The following RPH3A variants were observed in gnomAD, a reference collection of about 807,000 sequenced individuals.
The protein encoded by RPH3A is rabphilin-3A.
Under a neutral mutation model 102.2 loss-of-function variants are expected in RPH3A, and 48 were observed. That is an observed-to-expected ratio of 0.47 (90% CI 0.37 to 0.60). RPH3A has a LOEUF of 0.60. Among genes scored for constraint, RPH3A ranks in the 20% least tolerant of loss-of-function variants. The pLI is 0.00. For synonymous variants in RPH3A, 310 were observed against 324.3 expected (o/e 0.96, Z 0.47); for missense variants, 781 against 910.1 (o/e 0.86, Z 1.83).
intron 2 of RPH3A, among the ~76,000 whole-genome samples, chr12:112,816,399 G>A (rs779452847): frequency 7.9e-5 from 12 of 152,142 alleles, no homozygotes; most frequent in Non-Finnish European, 1.5e-5. Context: ...TTTCAGATTT[G>A]TTTCTCACTC....
intron 1 of RPH3A, among the ~76,000 whole-genome samples, chr12:112,641,492 G>C (rs1465682175): frequency 6.6e-6 from 1 of 152,192 alleles, no homozygotes; most frequent in Non-Finnish European, 1.5e-5. Flanking sequence ...CGCCTCCCAG[G>C]TTCAAGTGAT....
intron 1 of RPH3A, among the ~76,000 whole-genome samples, chr12:112,758,239 T>C (rs1342943245): frequency 1.3e-5 from 2 of 152,226 alleles, no homozygotes; most frequent in African/African-American, 2.4e-5. Context: ...TCTGAAGACA[T>C]CTGCAATACC....
intron 1 of RPH3A, chr12:112,617,621 A>C (rs1459783447): frequency 1.3e-5 from 2 of 152,256 alleles, no homozygotes; most frequent in Non-Finnish European, 2.9e-5. Context: ...CGGAAGGAAC[A>C]AAGTTTAATT....
chr12:112,864,953 G>A (rs927299318), intron 5 of RPH3A, among the ~76,000 whole-genome samples: 1 of 152,188 alleles, frequency 6.6e-6, no homozygotes, highest in Non-Finnish European at 1.5e-5. Context: ...GTAGATGGTG[G>A]TGACATTTCC....
intron 1 of RPH3A, among the ~76,000 whole-genome samples, chr12:112,672,179 T>G (rs372286646): frequency 2.0e-5 from 3 of 151,998 alleles, no homozygotes; most frequent in Admixed American, 6.6e-5. Context: ...TGTGGCAGTC[T>G]TGAGTCTGAA....
At chr12:112,761,382 T>G (rs949836969) in intron 1 of RPH3A, among the ~76,000 whole-genome samples, 1 of 152,212 alleles carries the variant, frequency 6.6e-6, no homozygotes, top group South Asian at 2.1e-4. Flanking sequence ...TGGATAGGTT[T>G]CAGAATCTAC....
intron 4 of RPH3A, among the ~76,000 whole-genome samples, chr12:112,843,068 T>G (rs528288253): frequency 6.6e-6 from 1 of 152,308 alleles, no homozygotes; most frequent in Non-Finnish European, 1.5e-5. Context: ...GGAGCAATAC[T>G]TTGGTCTCCG....
At chr12:112,767,977 C>G (rs1406372524) in intron 1 of RPH3A, among the ~76,000 whole-genome samples, 1 of 152,038 alleles carries the variant, frequency 6.6e-6, no homozygotes, top group Non-Finnish European at 1.5e-5. Flanking sequence ...TGGGGAGTCA[C>G]TGCTAATGGA....
intron 1 of RPH3A, among the ~76,000 whole-genome samples, chr12:112,622,809 A>AGC (rs2039741386): frequency 7.4e-6 from 1 of 135,318 alleles, no homozygotes; most frequent in East Asian, 2.2e-4. Context: ...AGCCAGAGAG[A>AGC]AAGGTCGGGT....
intron 1 of RPH3A, among the ~76,000 whole-genome samples, chr12:112,689,180 T>G (rs1350385228): frequency 6.6e-6 from 1 of 152,164 alleles, no homozygotes; most frequent in Non-Finnish European, 1.5e-5. Flanking sequence ...ACTAAAGTGA[T>G]CCATGTGTAA....
At chr12:112,790,143 G>A (rs1303502298), upstream of RPH3A, among the ~76,000 whole-genome samples, 1 of 151,880 alleles carries the variant, frequency 6.6e-6, no homozygotes, top group African/African-American at 2.4e-5. Context: ...TGCAGCCTCT[G>A]CCTTCCAGGT....
chr12:112,642,459 CACACTT>C (rs1354822929), intron 1 of RPH3A, among the ~76,000 whole-genome samples: 1 of 152,160 alleles, frequency 6.6e-6, no homozygotes, highest in East Asian at 1.9e-4. Flanking sequence ...TCTTTGGAGA[CACACTT>C]ACACTAAAAA....
At chr12:112,718,729 T>C (rs932469031) in intron 1 of RPH3A, among the ~76,000 whole-genome samples, 2 of 152,248 alleles carry the variant, frequency 1.3e-5, no homozygotes, top group Non-Finnish European at 1.5e-5. Flanking sequence ...CAACATGTGA[T>C]TCTCTCATTC....
At chr12:112,868,651 C>T (rs1030149942) in intron 8 of RPH3A, 56 bp downstream of exon 8, 32 of 1,562,592 alleles carry the variant, frequency 2.0e-5, no homozygotes, top group Non-Finnish European at 2.7e-5. Context: ...GCCAACTGGT[C>T]TACCTGAGGG....
intron 1 of RPH3A, among the ~76,000 whole-genome samples, chr12:112,732,087 G>A (rs1248540272): frequency 6.6e-6 from 1 of 152,144 alleles, no homozygotes; most frequent in Non-Finnish European, 1.5e-5. Context: ...CCTTTCTGAT[G>A]ATCTAATCGC....
At chr12:112,725,944 C>T (rs575878296) in intron 1 of RPH3A, among the ~76,000 whole-genome samples, 149 of 151,914 alleles carry the variant, frequency 9.8e-4, no homozygotes, top group African/African-American at 3.2e-3. Context: ...TACAGGCACC[C>T]GCCACCACGC....
chr12:112,836,758 G>T (rs1288322159), intron 4 of RPH3A, among the ~76,000 whole-genome samples: 1 of 152,108 alleles, frequency 6.6e-6, no homozygotes, highest in Non-Finnish European at 1.5e-5. Flanking sequence ...ATTCTTGTTA[G>T]TGATTTGTAG....
At chr12:112,766,921 T>A (rs138336923) in intron 1 of RPH3A, among the ~76,000 whole-genome samples, 8 of 152,102 alleles carry the variant, frequency 5.3e-5, no homozygotes, top group African/African-American at 1.9e-4. Flanking sequence ...TTCCCAAACA[T>A]GTGTGGCTGG....
At chr12:112,659,886 C>G (rs1362631562) in intron 1 of RPH3A, among the ~76,000 whole-genome samples, 1 of 152,146 alleles carries the variant, frequency 6.6e-6, no homozygotes, top group Non-Finnish European at 1.5e-5. Context: ...ACAGGATACT[C>G]CAGTTTCATC....
Sources: gnomAD v4.1 joint callset for allele counts (sites outside exome capture counted in the v4.1 genomes callset) on GRCh38, gnomAD v4.1.1 for gene constraint, MANE v1.5 for transcripts, NCBI Gene and HGNC (gene_info 2026-07-23, HGNC 2026-07-21) for gene names.